Variants in COPS5 observed in about 807,000 individuals in gnomAD.
The protein encoded by COPS5 is COP9 signalosome subunit 5.
A neutral mutation model predicts 44.4 loss-of-function variants in COPS5; 8 were observed. That is an observed-to-expected ratio of 0.18 (90% CI 0.11 to 0.32). The LOEUF (loss-of-function observed/expected upper bound fraction) is 0.32, where lower values mean the gene tolerates loss of function less well. Ranked by LOEUF, COPS5 falls within the 10% of genes least tolerant of loss-of-function variation. COPS5 has a pLI of 1.00. For synonymous variants in COPS5, 122 were observed against 142.8 expected (o/e 0.85, Z 1.04); for missense variants, 159 against 406.4 (o/e 0.39, Z 5.23).
At chr8:67,047,975 G>A in intron 6 of COPS5, 3 of 693,692 alleles carry the variant, frequency 4.3e-6, no homozygotes, top group Non-Finnish European at 7.9e-6. Context: ...GACTACTAAG[G>A]ATAAGAAATA....
At chr8:67,050,129 G>A (rs1804377529) in intron 6 of COPS5, among the ~76,000 whole-genome samples, 2 of 151,780 alleles carry the variant, frequency 1.3e-5, no homozygotes, top group South Asian at 4.2e-4. Flanking sequence ...AGCCTCCCGC[G>A]CAGCTGGGAC....
chr8:67,059,021 A>C (rs1381801147), intron 2 of COPS5, among the ~76,000 whole-genome samples, 190 bp downstream of exon 2: 1 of 151,550 alleles, frequency 6.6e-6, no homozygotes, highest in Non-Finnish European at 1.5e-5. Flanking sequence ...AAAAAACAAC[A>C]ACAACAAAAA....
chr8:67,059,370 G>A lies in COPS5; in HGVS notation c.219C>T (p.Gly73=). The change falls in exon 2 of 8, where the codon GGC becomes GGT. Residue 73 remains glycine, a synonymous_variant. Transcript: ENST00000357849. ...LKMVMHARSG[G]NLEVMGLMLG... The stretch of plus-strand genomic sequence containing the variant: ...GCATCAGACCCATCACTTCCAAGTT[G>A]CCTCCCGATCTGGCATGCATCACCA... 1 of 1,614,168 alleles carries A rather than the reference G, an allele frequency of 6.2e-7. No homozygotes were observed. The highest frequency in any genetic ancestry group is 8.5e-7 in the Non-Finnish European group (1 of 1,180,030).
At chr8:67,060,589 AC>A in intron 1 of COPS5, 1 of 936,762 alleles carries the variant, frequency 1.1e-6, no homozygotes, top group Non-Finnish European at 1.5e-6. Context: ...CCTATTACAT[AC>A]ATTCTAGACG....
chr8:67,050,614 A>AGAGTGTGTGT (rs1554544973), intron 6 of COPS5, among the ~76,000 whole-genome samples: 1 of 141,056 alleles, frequency 7.1e-6, no homozygotes, highest in African/African-American at 2.6e-5. Context: ...TGAGTGTGAG[A>AGAGTGTGTGT]GTGTGTGTGT....
At position 67,056,542 on chromosome 8, in the gene COPS5, T is replaced by C; in HGVS notation, c.636A>G (p.Glu212=). Reference sequence around the variant, plus strand: ...ACTGTTTGCAGTGTACACCAAAATCTTCTATTTTATTAAGTGGAATAGTCT... The same window carrying C: ...ACTGTTTGCAGTGTACACCAAAATCCTCTATTTTATTAAGTGGAATAGTCT... ...EYQTIPLNKI[E]DFGVHCKQYY... Residue 212 remains glutamate (E), a synonymous_variant, in exon 5 of 8, where the codon GAA becomes GAG. Coordinates refer to ENST00000357849, the MANE Select transcript of COPS5 (RefSeq NM_006837.3). 1.4e-6 allele frequency: 2 copies of C among 1,473,346 alleles called. No homozygotes were observed. The highest frequency in any genetic ancestry group is 1.8e-6 in the Non-Finnish European group (2 of 1,085,736). 91.3% of individuals were successfully genotyped at this position (1,473,346 alleles called of 1,614,324 possible). A position where few individuals can be genotyped will look rare whatever the true frequency, so the allele number is the denominator to read the frequency against.
intron 7 of COPS5, chr8:67,043,523 C>T (rs928593175): frequency 7.6e-6 from 3 of 393,736 alleles, no homozygotes; most frequent in Non-Finnish European, 1.4e-5. Context: ...AGAACTTTCA[C>T]AAGAGAATGA....
intron 7 of COPS5, chr8:67,044,085 C>T (rs1816669832): frequency 6.6e-6 from 1 of 152,146 alleles, no homozygotes; most frequent in Admixed American, 6.5e-5. Context: ...CTCTGTCACC[C>T]AGGCTGGAGT....
At chr8:67,050,297 G>A (rs917751244) in intron 6 of COPS5, among the ~76,000 whole-genome samples, 4 of 152,102 alleles carry the variant, frequency 2.6e-5, no homozygotes, top group Admixed American at 1.3e-4. Flanking sequence ...CACCGCGCCC[G>A]GCCTCTTTTT....
chr8:67,045,235 T>G (rs1816684686), intron 7 of COPS5: 1 of 152,132 alleles, frequency 6.6e-6, no homozygotes, highest in African/African-American at 2.4e-5. Context: ...GCAGATCACC[T>G]GAGGTCAGGA....
intron 6 of COPS5, among the ~76,000 whole-genome samples, chr8:67,049,547 T>C (rs1477600987): frequency 3.3e-5 from 5 of 152,238 alleles, no homozygotes; most frequent in Admixed American, 2.0e-4. Context: ...TTCTTTACTT[T>C]TGTGCCTCCA....
At chr8:67,054,004 T>TA (rs1205430314) in intron 5 of COPS5, among the ~76,000 whole-genome samples, 7,491 of 128,684 alleles carry the variant, frequency 0.058, 273 homozygotes, top group Non-Finnish European at 0.084. Flanking sequence ...AGACTCCATT[T>TA]AAAAAAAAAA....
chr8:67,047,869 C>T (rs1431046469), intron 6 of COPS5: 1 of 702,416 alleles, frequency 1.4e-6, no homozygotes, highest in African/African-American at 1.7e-5. Flanking sequence ...TCTAAGGAAA[C>T]AACACATATA....
rs181175462 is a variant in COPS5, at chr8:67,052,536, G to C, written c.660-1195C>G. Among the ~76,000 whole-genome samples the C allele has an allele frequency of 3.5e-3, 534 of 150,820 alleles. 12 individuals carry two copies. Among genetic ancestry groups the C allele is most frequent in the Admixed American group, 0.03 (455 of 15,106 alleles). On this transcript the variant is annotated intron_variant, in intron 5 of 7. Coordinates refer to ENST00000357849, the MANE Select transcript of COPS5 (RefSeq NM_006837.3). ...GGGTTCAAGCGATTCTCCTGCCTCA[G>C]CCTCCCGAGTAGCTGGGACTACAGG...
intron 6 of COPS5, among the ~76,000 whole-genome samples, chr8:67,050,614 A>AGT (rs5892073): frequency 0.32 from 44,553 of 140,942 alleles, 6,706 homozygotes; most frequent in East Asian, 0.41. Flanking sequence ...TGAGTGTGAG[A>AGT]GTGTGTGTGT....
At chr8:67,046,822 TC>T (rs1486488785) in intron 6 of COPS5, among the ~76,000 whole-genome samples, 1 of 63,282 alleles carries the variant, frequency 1.6e-5, no homozygotes, top group East Asian at 5.0e-4. Flanking sequence ...AAACTCTGTC[TC>T]CAAAAAAAAA....
At chr8:67,054,918 G>C (rs1413296977) in intron 5 of COPS5, among the ~76,000 whole-genome samples, 3 of 152,190 alleles carry the variant, frequency 2.0e-5, no homozygotes, top group Non-Finnish European at 4.4e-5. Flanking sequence ...GATGGTTACA[G>C]TGCTAAGAAG....
At position 67,062,104 on chromosome 8, in the gene COPS5, A is replaced by G; in HGVS notation, c.-108T>C. The G allele has an allele frequency of 6.4e-7, 1 of 1,569,264 alleles. No individual in the cohort carries two copies. Among genetic ancestry groups the G allele is most frequent in the Non-Finnish European group, 8.6e-7 (1 of 1,161,032 alleles). The stretch of plus-strand genomic sequence containing the variant: ...CTCCGCACCACGGGAACAAACTCTT[A>G]CCTAGACTCTTGGGGCAGCCATGAC... On this transcript the variant is annotated 5_prime_UTR_variant, in exon 1 of 8. Coordinates refer to ENST00000357849, the MANE Select transcript of COPS5 (RefSeq NM_006837.3).
At chr8:67,059,627 A>C (rs761650794) in intron 1 of COPS5, 182 bp from the exon 2 acceptor site, 11 of 590,428 alleles carry the variant, frequency 1.9e-5, no homozygotes, top group Non-Finnish European at 3.0e-5. Context: ...AGTATGTCAT[A>C]GTGCAGCAAC....
Sources: allele counts gnomAD v4.1 joint callset (sites outside exome capture counted in the v4.1 genomes callset), GRCh38; gene constraint gnomAD v4.1.1; transcripts MANE v1.5; gene names NCBI Gene and HGNC (gene_info 2026-07-23, HGNC 2026-07-21).